CAMK4: variants seen among roughly 807,000 people sequenced by gnomAD.
CAMK4 encodes calcium/calmodulin dependent protein kinase IV.
A neutral mutation model predicts 44.9 loss-of-function variants in CAMK4; 22 were observed. That is an observed-to-expected ratio of 0.49 (90% confidence interval 0.35 to 0.70). CAMK4 has a LOEUF of 0.70. Among genes scored for constraint, CAMK4 ranks in the 30% least tolerant of loss-of-function variants. The pLI, the probability that CAMK4 is intolerant of heterozygous loss-of-function variation, is 0.01. For missense variants in CAMK4, 498 were observed against 586.8 expected (o/e 0.85, Z 1.56); for synonymous variants, 218 against 215.4 (o/e 1.01, Z -0.11).
chr5:111,425,264 A>G (rs73787172), intron 5 of CAMK4, among the ~76,000 whole-genome samples: 3,328 of 152,216 alleles, frequency 0.022, 117 homozygotes, highest in African/African-American at 0.076. Flanking sequence ...ACTTTCATTC[A>G]ATTATTATAT....
chr5:111,423,081 G>A (rs1449335473), intron 5 of CAMK4, among the ~76,000 whole-genome samples: 1 of 152,086 alleles, frequency 6.6e-6, no homozygotes, highest in African/African-American at 2.4e-5. Flanking sequence ...ATCTTGTTTA[G>A]GATCCTAGCA....
Position 111,486,770 on chromosome 5 carries a change from C to A in CAMK4, c.*2304C>A, listed in dbSNP as rs1163308417. 6.6e-6 allele frequency: 1 copy of A among 152,136 alleles called. No homozygotes were observed. Among genetic ancestry groups the A allele is most frequent in the Non-Finnish European group, 1.5e-5 (1 of 68,028 alleles). The allele number at this position is 152,136 out of a possible 1,614,324, so 9.4% of individuals were successfully genotyped here. On this transcript the variant is annotated 3_prime_UTR_variant, in exon 11 of 11. Transcript: ENST00000282356. Reference sequence around the variant, plus strand: ...CCCAATGTGTATTTTAGAATTTACTCATTTAAATGAGTGCATATTACCATT... The same window carrying A: ...CCCAATGTGTATTTTAGAATTTACTAATTTAAATGAGTGCATATTACCATT...
chr5:111,356,506 A>C (rs1162383415), intron 2 of CAMK4, among the ~76,000 whole-genome samples: 7 of 152,344 alleles, frequency 4.6e-5, no homozygotes, highest in East Asian at 1.9e-4. Flanking sequence ...TCTTTAGTTT[A>C]ATTAGATCCC....
chr5:111,282,440 A>G (rs1751062744), intron 1 of CAMK4, among the ~76,000 whole-genome samples: 1 of 152,200 alleles, frequency 6.6e-6, no homozygotes, highest in Non-Finnish European at 1.5e-5. Context: ...AAATATCAGT[A>G]CTGTAAGGAT....
intron 5 of CAMK4, among the ~76,000 whole-genome samples, chr5:111,419,995 C>T (rs1300818330): frequency 1.3e-5 from 2 of 152,010 alleles, no homozygotes; most frequent in Non-Finnish European, 2.9e-5. Flanking sequence ...TCATTGGTAG[C>T]TTGATGGGGT....
chr5:111,354,153 G>C (rs1436215573), intron 2 of CAMK4, among the ~76,000 whole-genome samples: 1 of 152,062 alleles, frequency 6.6e-6, no homozygotes, highest in African/African-American at 2.4e-5. Context: ...TGATCTTGGA[G>C]GACACTATGC....
At chr5:111,394,234 G>A (rs1389715875) in intron 4 of CAMK4, among the ~76,000 whole-genome samples, 1 of 152,014 alleles carries the variant, frequency 6.6e-6, no homozygotes, top group Non-Finnish European at 1.5e-5. Context: ...GATTTTTAGA[G>A]GGTCCTTTAT....
Position 111,492,189 on chromosome 5 carries a change from T to G in CAMK4, c.*7723T>G, listed in dbSNP as rs1361627125. The G allele has an allele frequency of 6.6e-6, 1 of 152,170 alleles. No individual in the cohort carries two copies. Among genetic ancestry groups the G allele is most frequent in the Non-Finnish European group, 1.5e-5 (1 of 68,018 alleles). The allele number at this position is 152,170 out of a possible 1,614,324, so 9.4% of individuals were successfully genotyped here. A position where few individuals can be genotyped will look rare whatever the true frequency, so the allele number is the denominator to read the frequency against. On this transcript the variant is annotated 3_prime_UTR_variant, in exon 11 of 11. Coordinates refer to ENST00000282356, the MANE Select transcript of CAMK4 (RefSeq NM_001744.6). ...AGAAAAACATAGGCATTCATGACCT[T>G]TGTGTTTCCGTTTGACTTTCAACAT...
chr5:111,243,280 G>A (rs1749085701), intron 1 of CAMK4, among the ~76,000 whole-genome samples: 1 of 152,174 alleles, frequency 6.6e-6, no homozygotes, highest in Non-Finnish European at 1.5e-5. Flanking sequence ...GGTGATATGG[G>A]GAACCTGTGG....
chr5:111,358,507 A>T (rs142360353), intron 2 of CAMK4, among the ~76,000 whole-genome samples: 2 of 151,804 alleles, frequency 1.3e-5, no homozygotes, highest in Non-Finnish European at 2.9e-5. Context: ...AACACATTAG[A>T]TGGATGTTTT....
chr5:111,335,718 A>G (rs1191521855), intron 1 of CAMK4, among the ~76,000 whole-genome samples: 1 of 151,264 alleles, frequency 6.6e-6, no homozygotes, highest in Admixed American at 6.6e-5. Context: ...CTCCATCCAT[A>G]AGTTTGGCAT....
chr5:111,391,280 A>T (rs1751787917), intron 4 of CAMK4, among the ~76,000 whole-genome samples: 1 of 152,170 alleles, frequency 6.6e-6, no homozygotes, highest in African/African-American at 2.4e-5. Context: ...TGAACGCTTC[A>T]TGAACATAAC....
intron 1 of CAMK4, among the ~76,000 whole-genome samples, chr5:111,312,396 AG>A (rs1173063578): frequency 6.6e-6 from 1 of 152,196 alleles, no homozygotes; most frequent in Non-Finnish European, 1.5e-5. Context: ...ACATTAAAAT[AG>A]CTAGCTTATA....
intron 1 of CAMK4, among the ~76,000 whole-genome samples, chr5:111,260,092 A>C (rs1199534962): frequency 1.3e-5 from 2 of 152,188 alleles, no homozygotes; most frequent in Non-Finnish European, 2.9e-5. Flanking sequence ...AGACAAAATA[A>C]ATGTTTCTCT....
intron 1 of CAMK4, among the ~76,000 whole-genome samples, chr5:111,297,371 A>C (rs538364230): frequency 2.0e-5 from 3 of 152,290 alleles, no homozygotes; most frequent in Admixed American, 1.3e-4. Context: ...AAGTTAGGCT[A>C]GGATGTGGAA....
At chr5:111,467,003 T>C (rs1052648446) in intron 7 of CAMK4, among the ~76,000 whole-genome samples, 1 of 152,128 alleles carries the variant, frequency 6.6e-6, no homozygotes, top group Non-Finnish European at 1.5e-5. Context: ...CATAGCTCGA[T>C]GGAACAGAAT....
intron 7 of CAMK4, among the ~76,000 whole-genome samples, chr5:111,471,049 C>T (rs1755046345): frequency 6.6e-6 from 1 of 152,204 alleles, no homozygotes; most frequent in Non-Finnish European, 1.5e-5. Context: ...TTTGATTGTG[C>T]CTTGTCTTCA....
intron 5 of CAMK4, among the ~76,000 whole-genome samples, chr5:111,424,488 A>G (rs1463638748): frequency 1.7e-5 from 2 of 114,388 alleles, no homozygotes; most frequent in Non-Finnish European, 3.2e-5. Flanking sequence ...TCTGTCGCCC[A>G]GGCTGGAGTG....
intron 1 of CAMK4, among the ~76,000 whole-genome samples, chr5:111,253,411 G>A (rs944416703): frequency 2.0e-5 from 3 of 152,114 alleles, no homozygotes; most frequent in African/African-American, 7.2e-5. Context: ...GTTCCGGACA[G>A]GGTTGGGCTG....
Sources: allele counts gnomAD v4.1 joint callset (sites outside exome capture counted in the v4.1 genomes callset), GRCh38; gene constraint gnomAD v4.1.1; transcripts MANE v1.5; gene names NCBI Gene and HGNC (gene_info 2026-07-23, HGNC 2026-07-21).